NTRK3: variants seen among roughly 807,000 people sequenced by gnomAD.
NTRK3 encodes NT-3 growth factor receptor.
Under a neutral mutation model 91.7 loss-of-function variants are expected in NTRK3, and 24 were observed. The ratio of observed to expected loss-of-function variants is 0.26; its 90% CI spans 0.19 to 0.37. The LOEUF (loss-of-function observed/expected upper bound fraction) is 0.37. Among genes scored for constraint, NTRK3 ranks in the 10% least tolerant of loss-of-function variants. The probability of loss-of-function intolerance (pLI) is 1.00; values close to 1 mark genes in which losing one functional copy is unlikely to be tolerated. For synonymous variants in NTRK3, 483 were observed against 404.0 expected, an observed-to-expected ratio of 1.20 and a Z score of -2.34; for missense variants, 880 against 1,068.9, an observed-to-expected ratio of 0.82 and a Z score of 2.46.
chr15:88,107,811 T>A (rs973902920), intron 13 of NTRK3, among the ~76,000 whole-genome samples: 2 of 151,980 alleles, frequency 1.3e-5, no homozygotes, highest in Admixed American at 1.3e-4. Context: ...GAATGTACTA[T>A]CATCACTAAG....
chr15:88,215,130 A>C (rs2049633424), intron 3 of NTRK3, among the ~76,000 whole-genome samples: 1 of 152,234 alleles, frequency 6.6e-6, no homozygotes, highest in African/African-American at 2.4e-5. Context: ...GGCACACCAT[A>C]AGCACTGTGG....
intron 3 of NTRK3, among the ~76,000 whole-genome samples, chr15:88,206,808 C>A (rs1308938682): frequency 6.6e-6 from 1 of 152,208 alleles, no homozygotes; most frequent in Non-Finnish European, 1.5e-5. Context: ...TCGGCCATAG[C>A]CCTGCAGCCA....
At chr15:88,061,228 T>C (rs1378637310) in intron 13 of NTRK3, among the ~76,000 whole-genome samples, 5 of 152,088 alleles carry the variant, frequency 3.3e-5, no homozygotes, top group Non-Finnish European at 7.4e-5. Flanking sequence ...AAAGGTAAAA[T>C]AAATGAATAA....
At chr15:88,089,658 G>T (rs1156905774) in intron 13 of NTRK3, among the ~76,000 whole-genome samples, 1 of 152,120 alleles carries the variant, frequency 6.6e-6, no homozygotes, top group East Asian at 1.9e-4. Context: ...CCCCTTGCAT[G>T]GACACAGCCT....
intron 13 of NTRK3, among the ~76,000 whole-genome samples, chr15:88,060,602 G>T (rs1010666494): frequency 1.3e-5 from 2 of 152,216 alleles, no homozygotes; most frequent in East Asian, 3.9e-4. Context: ...GCATGACCAT[G>T]GGGACCATCC....
intron 13 of NTRK3, among the ~76,000 whole-genome samples, chr15:88,035,669 C>A (rs1284341778): frequency 6.6e-6 from 1 of 152,210 alleles, no homozygotes; most frequent in Admixed American, 6.5e-5. Flanking sequence ...GTCAAGATCA[C>A]CAGGCACTTC....
intron 17 of NTRK3, among the ~76,000 whole-genome samples, chr15:87,893,600 C>T (rs2065955724): frequency 6.6e-6 from 1 of 152,304 alleles, no homozygotes; most frequent in South Asian, 2.1e-4. Flanking sequence ...GAACCCACCG[C>T]TTTGGGTTAA....
At chr15:88,110,399 C>G (rs1412149224) in intron 13 of NTRK3, among the ~76,000 whole-genome samples, 1 of 152,182 alleles carries the variant, frequency 6.6e-6, no homozygotes, top group Non-Finnish European at 1.5e-5. Context: ...CAGAATATCC[C>G]TGCCTCCATC....
intron 17 of NTRK3, among the ~76,000 whole-genome samples, chr15:87,919,746 A>G (rs1452582078): frequency 6.6e-6 from 1 of 152,194 alleles, no homozygotes; most frequent in Non-Finnish European, 1.5e-5. Context: ...GTGGAGCAGA[A>G]ATTAAACTTC....
In NTRK3 at chr15:88,127,269, G is replaced by A. The variant is rs371363581; in HGVS notation, c.1229-43C>T. The A allele has an allele frequency of 4.4e-5, 68 of 1,545,320 alleles. No homozygotes were observed. In the African/African-American group the frequency reaches 7.3e-4, roughly 17 times the overall value. ...AAAGGAGGAGGACAGTTAGCTTCCCGGCTGGGGAGGCTCAGCCACAGTCCC... is the reference window on the plus strand; with the variant it reads ...AAAGGAGGAGGACAGTTAGCTTCCCAGCTGGGGAGGCTCAGCCACAGTCCC... On this transcript the variant is annotated intron_variant, in intron 11 of 18. Coordinates refer to ENST00000394480, the Ensembl canonical transcript of NTRK3.
intron 3 of NTRK3, among the ~76,000 whole-genome samples, chr15:88,195,287 T>C (rs1314522351): frequency 1.3e-5 from 2 of 152,246 alleles, no homozygotes; most frequent in African/African-American, 4.8e-5. Context: ...ATGTGTTCAC[T>C]TGTTTATTGT....
At chr15:88,121,776 C>T (rs1171595076) in intron 13 of NTRK3, among the ~76,000 whole-genome samples, 1 of 152,202 alleles carries the variant, frequency 6.6e-6, no homozygotes, top group Non-Finnish European at 1.5e-5. Flanking sequence ...GTGCCCAGGA[C>T]ATGCCAAATA....
intron 4 of NTRK3, 58 bp from the exon 5 acceptor site, chr15:88,183,547 T>TGGGCTGAGGCTGGCAGGGGGTG: frequency 4.0e-6 from 6 of 1,502,446 alleles, no homozygotes; most frequent in Non-Finnish European, 4.6e-6. Context: ...ATATCTGCTC[T>TGGGCTGAGGCTGGCAGGGGGTG]GGGCTGAGGC....
intron 17 of NTRK3, among the ~76,000 whole-genome samples, chr15:87,919,061 G>A (rs1319692074): frequency 1.3e-5 from 2 of 152,186 alleles, no homozygotes; most frequent in African/African-American, 2.4e-5. Context: ...TCCATGCAGT[G>A]GCAGACAATA....
intron 14 of NTRK3, among the ~76,000 whole-genome samples, chr15:87,948,939 T>C (rs1020475777): frequency 6.6e-6 from 1 of 152,154 alleles, no homozygotes; most frequent in Admixed American, 6.5e-5. Context: ...TTGACATTTT[T>C]ACAAAGAGGC....
chr15:88,195,443 C>G (rs56148113), intron 3 of NTRK3, among the ~76,000 whole-genome samples: 104 of 152,298 alleles, frequency 6.8e-4, no homozygotes, highest in African/African-American at 2.4e-3. Flanking sequence ...TCCTCAGAAC[C>G]CTGTGACCTC....
intron 14 of NTRK3, among the ~76,000 whole-genome samples, chr15:87,966,294 AAC>A (rs2072787066): frequency 6.6e-6 from 1 of 152,226 alleles, no homozygotes; most frequent in African/African-American, 2.4e-5. Context: ...AAATCAAGCT[AAC>A]ACACTAATAA....
At chr15:88,073,948 C>CA (rs1004446810) in intron 13 of NTRK3, among the ~76,000 whole-genome samples, 1 of 152,158 alleles carries the variant, frequency 6.6e-6, no homozygotes, top group African/African-American at 2.4e-5. Flanking sequence ...ATTCCAGAAG[C>CA]AACCAGGCAG....
rs2053890177 is a variant in NTRK3, at chr15:88,255,168, A to T, written c.248+738T>A. Among the ~76,000 whole-genome samples, 1 of 152,126 alleles carries T rather than the reference A, an allele frequency of 6.6e-6. No individual in the cohort carries two copies. On this transcript the variant is annotated intron_variant, in intron 3 of 18. Transcript: ENST00000394480. This position sits in a 1 kb window ranked among gnomAD's most constrained non-coding sequence, Gnocchi z 4.3. ...CTCTCCCTGCGCCATCCTGACTCGG[A>T]ATAGTTCCGAGCAGTTATCAAAGCC...
Sources: allele counts gnomAD v4.1 joint callset (sites outside exome capture counted in the v4.1 genomes callset), GRCh38; gene constraint gnomAD v4.1.1; non-coding constraint Gnocchi (gnomAD v3.1); transcripts MANE v1.5; gene names NCBI Gene and HGNC (gene_info 2026-07-23, HGNC 2026-07-21).